DAB2IP: variants seen among roughly 807,000 people sequenced by gnomAD.
DAB2IP encodes the protein disabled homolog 2-interacting protein.
In DAB2IP, 28 loss-of-function variants were observed where a neutral mutation model predicts 107.2. The observed-to-expected ratio is 0.26, with a 90% CI of 0.19 to 0.36. The LOEUF (loss-of-function observed/expected upper bound fraction) is 0.36. Ranked by LOEUF, DAB2IP falls within the 10% of genes least tolerant of loss-of-function variation. DAB2IP has a pLI of 1.00. For synonymous variants in DAB2IP, 755 were observed against 706.4 expected (o/e 1.07, Z -1.09); for missense variants, 1,400 against 1,644.7 (o/e 0.85, Z 2.57).
intron 2 of DAB2IP, among the ~76,000 whole-genome samples, chr9:121,683,231 C>T (rs1003001240): frequency 2.6e-5 from 4 of 152,170 alleles, no homozygotes; most frequent in African/African-American, 9.7e-5. Context: ...TGTTCTTTCT[C>T]TCCTGCCACT....
exon 16 of DAB2IP, chr9:121,783,742 G>T (rs1835820720): frequency 8.2e-6 from 6 of 731,326 alleles, no homozygotes; most frequent in Admixed American, 2.4e-5. Context: ...CCCAGGCGCT[G>T]CATACAGGGG....
At chr9:121,714,607 A>G (rs1830498307) in intron 3 of DAB2IP, among the ~76,000 whole-genome samples, 3 of 152,202 alleles carry the variant, frequency 2.0e-5, no homozygotes, top group Admixed American at 2.0e-4. Flanking sequence ...AAAGAAGAGG[A>G]TACTCTTCAG....
chr9:121,626,862 C>T (rs1369658946), intron 1 of DAB2IP, among the ~76,000 whole-genome samples: 3 of 151,420 alleles, frequency 2.0e-5, no homozygotes, highest in Non-Finnish European at 4.4e-5. Flanking sequence ...TTTTGAATTT[C>T]TAAAGACTTT....
At chr9:121,584,236 C>G (rs372780193) in intron 1 of DAB2IP, among the ~76,000 whole-genome samples, 44 of 151,986 alleles carry the variant, frequency 2.9e-4, no homozygotes, top group South Asian at 1.3e-3. Flanking sequence ...GCCACCACGC[C>G]CAGCCTCAAA....
chr9:121,596,560 T>C (rs958410663), intron 1 of DAB2IP, among the ~76,000 whole-genome samples: 1 of 152,162 alleles, frequency 6.6e-6, no homozygotes, highest in Non-Finnish European at 1.5e-5. Context: ...AATTTGATGT[T>C]CTGCAACATG....
At chr9:121,766,644 C>T (rs375368221) in exon 9 of DAB2IP, 15 of 1,614,086 alleles carry the variant, frequency 9.3e-6, no homozygotes, top group African/African-American at 1.3e-5. Flanking sequence ...CACTCTTCAA[C>T]CTGCTGCAGG....
At chr9:121,660,778 T>G (rs1374242920) in intron 1 of DAB2IP, among the ~76,000 whole-genome samples, 2 of 152,220 alleles carry the variant, frequency 1.3e-5, no homozygotes, top group African/African-American at 4.8e-5. Flanking sequence ...ATTCCTTTTA[T>G]GCAATACATA....
chr9:121,770,809 G>A (rs931675409), intron 11 of DAB2IP, 85 bp downstream of exon 11: 2 of 1,524,580 alleles, frequency 1.3e-6, no homozygotes, highest in Non-Finnish European at 1.8e-6. Context: ...GGGGAAAGAG[G>A]ATGCCTACAT....
intron 3 of DAB2IP, among the ~76,000 whole-genome samples, chr9:121,719,247 G>A (rs1830784348): frequency 6.6e-6 from 1 of 152,208 alleles, no homozygotes; most frequent in East Asian, 1.9e-4. Context: ...ATGTACCCAA[G>A]GACACGTAAG....
intron 3 of DAB2IP, among the ~76,000 whole-genome samples, chr9:121,720,889 C>A (rs1223641874): frequency 2.0e-5 from 3 of 152,172 alleles, no homozygotes; most frequent in African/African-American, 7.2e-5. Flanking sequence ...GAGAACCCTT[C>A]CTGCCAATGC....
chr9:121,705,645 G>A (rs1282244363), intron 3 of DAB2IP, among the ~76,000 whole-genome samples: 2 of 152,176 alleles, frequency 1.3e-5, no homozygotes, highest in Non-Finnish European at 2.9e-5. Context: ...TGGGTGCATG[G>A]ACACTGAGCT....
intron 1 of DAB2IP, among the ~76,000 whole-genome samples, chr9:121,619,867 C>T (rs1831402424): frequency 6.6e-6 from 1 of 152,082 alleles, no homozygotes; most frequent in South Asian, 2.1e-4. Flanking sequence ...CTAAGGCCTC[C>T]TTAGGTAGGA....
At chr9:121,573,787 T>G (rs1029337564) in intron 1 of DAB2IP, among the ~76,000 whole-genome samples, 41 of 152,154 alleles carry the variant, frequency 2.7e-4, no homozygotes, top group African/African-American at 9.2e-4. Context: ...CTGGCCCTGA[T>G]CACGCAGTGA....
chr9:121,593,915 G>A (rs1214183878), intron 1 of DAB2IP, among the ~76,000 whole-genome samples: 1 of 151,842 alleles, frequency 6.6e-6, no homozygotes. Context: ...TGATCTGCCT[G>A]CCTTGGCCTC....
At chr9:121,594,735 G>A (rs1335749881) in intron 1 of DAB2IP, among the ~76,000 whole-genome samples, 2 of 152,156 alleles carry the variant, frequency 1.3e-5, no homozygotes, top group African/African-American at 2.4e-5. Flanking sequence ...CAAGGTTTGC[G>A]ACCTGGAAGA....
chr9:121,693,891 G>T (rs1829286483), intron 2 of DAB2IP, among the ~76,000 whole-genome samples: 1 of 152,240 alleles, frequency 6.6e-6, no homozygotes, highest in South Asian at 2.1e-4. Flanking sequence ...CAGTGCCTTT[G>T]AGACCATTGG....
intron 3 of DAB2IP, among the ~76,000 whole-genome samples, chr9:121,729,072 C>G (rs1290985978): frequency 6.6e-6 from 1 of 152,148 alleles, no homozygotes; most frequent in Non-Finnish European, 1.5e-5. Flanking sequence ...TGCTCTGTGC[C>G]AGGCTTCCTC....
At position 121,699,463 on chromosome 9, in the gene DAB2IP, GCCCGCCGCCGCCGCCCGGTCCCC is replaced by G. The variant is rs761988295; in HGVS notation, c.362+7_362+29del. ...CGCCGCCGCGGACAATGAGAGGTGA[GCCCGCCGCCGCCGCCCGGTCCCC>G]CGCGCCGCCGCCCCGGGCTGCGCCC... On this transcript the variant is annotated splice_donor_region_variant and intron_variant, in intron 3 of 15. Transcript: ENST00000408936. This position sits in a 1 kb window ranked among gnomAD's most constrained non-coding sequence, Gnocchi z 6.2. The G allele has an allele frequency of 2.2e-4, 296 of 1,348,724 alleles. 8 individuals carry two copies. In the South Asian group the frequency reaches 4.9e-3, roughly 22 times the overall value. 83.5% of individuals were successfully genotyped at this position (1,348,724 alleles called of 1,614,324 possible).
At chr9:121,623,602 C>G (rs1012053050) in intron 1 of DAB2IP, among the ~76,000 whole-genome samples, 1 of 152,132 alleles carries the variant, frequency 6.6e-6, no homozygotes, top group Non-Finnish European at 1.5e-5. Flanking sequence ...TGCTGGGCCT[C>G]AAGCGGTCCA....
Sources: allele counts gnomAD v4.1 joint callset (sites outside exome capture counted in the v4.1 genomes callset), GRCh38; gene constraint gnomAD v4.1.1; non-coding constraint Gnocchi (gnomAD v3.1); transcripts MANE v1.5; gene names NCBI Gene and HGNC (gene_info 2026-07-23, HGNC 2026-07-21).